Variants in AKAP6 observed in about 807,000 individuals in gnomAD.
The protein encoded by AKAP6 is A-kinase anchor protein 6.
In AKAP6, 58 loss-of-function variants were observed where a neutral mutation model predicts 188.5. That is an observed-to-expected ratio of 0.31 (90% CI 0.25 to 0.38). The LOEUF is 0.38. Ranked by LOEUF, AKAP6 falls within the 10% of genes least tolerant of loss-of-function variation. The pLI, the probability that AKAP6 is intolerant of heterozygous loss-of-function variation, is 1.00. For synonymous variants in AKAP6, 989 were observed against 998.6 expected, an observed-to-expected ratio of 0.99 and a Z score of 0.18; for missense variants, 2,710 against 2,740.0, an observed-to-expected ratio of 0.99 and a Z score of 0.24.
In AKAP6 at chr14:32,743,147, T is replaced by C. The variant is rs148429380; in HGVS notation, c.3372+7265T>C. Among the ~76,000 whole-genome samples the C allele has an allele frequency of 4.0e-3, 611 of 152,288 alleles. 1 individual carries two copies. Among genetic ancestry groups the C allele is most frequent in the African/African-American group, 0.014 (579 of 41,588 alleles). ...CCCTCTTGGTCTCTTCTTATAGTTT[T>C]TGCCTTGAAATCTATTTTGTCTGAT... On this transcript the variant is annotated intron_variant, in intron 11 of 13. Transcript: ENST00000280979.
chr14:32,361,466 A>G (rs1887662419), intron 1 of AKAP6, among the ~76,000 whole-genome samples: 1 of 152,208 alleles, frequency 6.6e-6, no homozygotes. Context: ...AGGAGGTGGC[A>G]AACAGGGAAG....
chr14:32,532,668 A>G (rs1882475509), intron 2 of AKAP6, among the ~76,000 whole-genome samples: 1 of 152,204 alleles, frequency 6.6e-6, no homozygotes. Context: ...AGCTGGTAGC[A>G]TAAAGGTTAC....
intron 2 of AKAP6, among the ~76,000 whole-genome samples, chr14:32,508,165 C>A (rs2139007786): frequency 6.6e-6 from 1 of 152,298 alleles, no homozygotes; most frequent in South Asian, 2.1e-4. Context: ...ACTTTTGAAT[C>A]TATCCTAACA....
chr14:32,337,249 A>G (rs938385629), intron 1 of AKAP6, among the ~76,000 whole-genome samples: 3 of 152,186 alleles, frequency 2.0e-5, no homozygotes, highest in East Asian at 1.9e-4. Flanking sequence ...GGTACATTTC[A>G]TTTTAAATTA....
At chr14:32,570,124 CTTTTTTTTTTTTTTTT>C (rs60851991) in intron 4 of AKAP6, among the ~76,000 whole-genome samples, 1 of 74,810 alleles carries the variant, frequency 1.3e-5, no homozygotes, top group African/African-American at 5.2e-5. Flanking sequence ...TGTGTGGGAA[CTTTTTTTTTTTTTTTT>C]TTTTTTTTTG....
At chr14:32,611,044 A>G (rs1040957310) in intron 7 of AKAP6, among the ~76,000 whole-genome samples, 2 of 152,162 alleles carry the variant, frequency 1.3e-5, no homozygotes, top group Admixed American at 1.3e-4. Flanking sequence ...TACAATAATG[A>G]AAGGCAGGCC....
chr14:32,565,301 G>A (rs1181513766), intron 4 of AKAP6, among the ~76,000 whole-genome samples: 1 of 152,102 alleles, frequency 6.6e-6, no homozygotes, highest in African/African-American at 2.4e-5. Flanking sequence ...TTTTTGTAAT[G>A]CTTCAAGAAA....
intron 4 of AKAP6, among the ~76,000 whole-genome samples, chr14:32,567,973 T>G (rs1884278026): frequency 1.4e-5 from 2 of 143,316 alleles, no homozygotes; most frequent in African/African-American, 2.6e-5. Flanking sequence ...AGCAGAGGAG[T>G]GGGGAACAAA....
intron 4 of AKAP6, among the ~76,000 whole-genome samples, chr14:32,553,062 T>G (rs1566572153): frequency 6.6e-6 from 1 of 152,178 alleles, no homozygotes; most frequent in Non-Finnish European, 1.5e-5. Context: ...GAATCTCCAG[T>G]AGGTTCCTGT....
At chr14:32,655,083 T>G (rs760825850) in intron 7 of AKAP6, among the ~76,000 whole-genome samples, 1 of 152,098 alleles carries the variant, frequency 6.6e-6, no homozygotes, top group Non-Finnish European at 1.5e-5. Flanking sequence ...TATTAATGAG[T>G]AAAATTGATT....
intron 2 of AKAP6, among the ~76,000 whole-genome samples, chr14:32,506,039 A>C (rs1880859418): frequency 6.6e-6 from 1 of 151,832 alleles, no homozygotes; most frequent in South Asian, 2.1e-4. Flanking sequence ...GCTACGCGGG[A>C]GGCTGAGGCA....
chr14:32,511,745 TC>T (rs1881275410), intron 2 of AKAP6, among the ~76,000 whole-genome samples: 1 of 152,166 alleles, frequency 6.6e-6, no homozygotes, highest in Admixed American at 6.5e-5. Context: ...ACACATTTTT[TC>T]CTCTTTTCAC....
chr14:32,547,949 G>A (rs1270023461), intron 4 of AKAP6, among the ~76,000 whole-genome samples: 1 of 152,084 alleles, frequency 6.6e-6, no homozygotes, highest in Non-Finnish European at 1.5e-5. Context: ...TGTGGTAATG[G>A]CCGTTTCCTC....
intron 6 of AKAP6, among the ~76,000 whole-genome samples, chr14:32,600,306 T>C (rs1318352622): frequency 6.6e-6 from 1 of 152,244 alleles, no homozygotes; most frequent in East Asian, 1.9e-4. Context: ...AGCCTTTTAT[T>C]TGGAATGTGA....
chr14:32,433,660 C>A lies in AKAP6; in HGVS notation c.167C>A (p.Pro56His). The change falls in exon 2 of 14, where the codon CCC becomes CAC. Residue 56 changes from proline (P) to histidine (H), a missense_variant. By Grantham distance (77) the Pro-to-His change is moderately conservative. Transcript: ENST00000280979. ...TCTGACCAGCAGTATGAAAAGCCAC[C>A]CCCACTACACACAGGGGCTGACTGG... ...MDSDQQYEKP[P>H]PLHTGADWKI... 1 of 1,614,090 alleles carries A rather than the reference C, an allele frequency of 6.2e-7. No individual in the cohort carries two copies. Among genetic ancestry groups the A allele is most frequent in the South Asian group, 1.1e-5 (1 of 91,076 alleles).
At chr14:32,509,319 G>A (rs544906325) in intron 2 of AKAP6, among the ~76,000 whole-genome samples, 143 of 151,550 alleles carry the variant, frequency 9.4e-4, no homozygotes, top group Non-Finnish European at 1.7e-3. Flanking sequence ...GTAGAGACGG[G>A]GTTTCGCCAT....
At chr14:32,768,331 G>C (rs1396241568) in intron 11 of AKAP6, among the ~76,000 whole-genome samples, 6 of 152,094 alleles carry the variant, frequency 3.9e-5, no homozygotes, top group Non-Finnish European at 5.9e-5. Context: ...TGCTTTCTGG[G>C]AGCAGAGTTT....
rs970865896 is a variant in AKAP6, at chr14:32,710,924, T to C, written c.3000+14814T>C. On this transcript the variant is annotated intron_variant, in intron 9 of 13. Coordinates refer to ENST00000280979, the MANE Select transcript of AKAP6 (RefSeq NM_004274.5). ...GTTGGAACACTGCCAGGCACATTCA[T>C]TTATGAAATATCTATATCTGCTTTT... is the stretch of plus-strand genomic sequence containing the variant. Among the ~76,000 whole-genome samples the C allele has an allele frequency of 1.1e-4, 17 of 152,080 alleles. No homozygotes were observed. In the East Asian group the frequency reaches 3.3e-3, roughly 29 times the overall value.
At chr14:32,383,470 G>T (rs1888435213) in intron 1 of AKAP6, among the ~76,000 whole-genome samples, 1 of 152,132 alleles carries the variant, frequency 6.6e-6, no homozygotes, top group Non-Finnish European at 1.5e-5. Context: ...ATACTCTGAG[G>T]CTGAGACAAA....
Sources: gnomAD v4.1 joint callset for allele counts (sites outside exome capture counted in the v4.1 genomes callset) on GRCh38, gnomAD v4.1.1 for gene constraint, MANE v1.5 for transcripts, NCBI Gene and HGNC (gene_info 2026-07-23, HGNC 2026-07-21) for gene names.